ST6GALNAC3: variants seen among roughly 807,000 people sequenced by gnomAD.
The protein encoded by ST6GALNAC3 is ST6 N-acetylgalactosaminide alpha-2,6-sialyltransferase 3, also known as alpha-N-acetylgalactosaminide alpha-2,6-sialyltransferase 3.
Under a neutral mutation model 32.7 loss-of-function variants are expected in ST6GALNAC3, and 25 were observed. The observed-to-expected ratio is 0.76, with a 90% CI of 0.56 to 1.07. The LOEUF is 1.07. ST6GALNAC3 is among the 50% of genes least tolerant of loss of function. The probability of loss-of-function intolerance (pLI) is 0.00; values close to 1 mark genes in which losing one functional copy is unlikely to be tolerated. For synonymous variants in ST6GALNAC3, 129 were observed against 133.1 expected (o/e 0.97, Z 0.21); for missense variants, 355 against 382.4 (o/e 0.93, Z 0.60).
chr1:76,299,468 A>G (rs1443347750), intron 1 of ST6GALNAC3, among the ~76,000 whole-genome samples: 1 of 152,042 alleles, frequency 6.6e-6, no homozygotes, highest in Admixed American at 6.6e-5. Context: ...GGGGATGTAC[A>G]TGTGTGGTTT....
chr1:76,115,237 G>A (rs182189161), intron 1 of ST6GALNAC3, among the ~76,000 whole-genome samples: 3 of 152,208 alleles, frequency 2.0e-5, no homozygotes, highest in African/African-American at 7.2e-5. Flanking sequence ...TCTGGCTCTC[G>A]GAGCTTAGGC....
chr1:76,487,803 CT>C (rs1660225146), intron 3 of ST6GALNAC3, among the ~76,000 whole-genome samples: 1 of 152,198 alleles, frequency 6.6e-6, no homozygotes, highest in Non-Finnish European at 1.5e-5. Context: ...GAGAGGCACT[CT>C]GATTTTCAGA....
chr1:76,464,288 G>A (rs1389838597), intron 3 of ST6GALNAC3, among the ~76,000 whole-genome samples: 1 of 152,120 alleles, frequency 6.6e-6, no homozygotes, highest in Non-Finnish European at 1.5e-5. Context: ...TAATCAATAT[G>A]GAAAGTTATT....
intron 2 of ST6GALNAC3, among the ~76,000 whole-genome samples, chr1:76,333,676 CT>C (rs1174112082): frequency 6.6e-6 from 1 of 152,096 alleles, no homozygotes; most frequent in Admixed American, 6.6e-5. Context: ...TCCATATTTC[CT>C]TTCACTTCTT....
chr1:76,365,763 A>G (rs543048738), intron 2 of ST6GALNAC3, among the ~76,000 whole-genome samples: 7 of 152,344 alleles, frequency 4.6e-5, no homozygotes, highest in Non-Finnish European at 8.8e-5. Context: ...CAACATTCTG[A>G]AAATTGATAA....
chr1:76,591,623 C>T (rs1036512401), intron 3 of ST6GALNAC3, among the ~76,000 whole-genome samples: 6 of 152,152 alleles, frequency 3.9e-5, no homozygotes, highest in African/African-American at 1.4e-4. Context: ...CTGTCTAGGA[C>T]TTTAACCCTC....
intron 1 of ST6GALNAC3, among the ~76,000 whole-genome samples, chr1:76,187,703 T>C (rs1020755068): frequency 6.6e-6 from 1 of 152,044 alleles, no homozygotes; most frequent in Non-Finnish European, 1.5e-5. Context: ...TCGAAGACTC[T>C]CTTCTCACTC....
chr1:76,454,871 A>G (rs1319386165), intron 3 of ST6GALNAC3, among the ~76,000 whole-genome samples: 1 of 151,804 alleles, frequency 6.6e-6, no homozygotes, highest in Non-Finnish European at 1.5e-5. Flanking sequence ...TCTCTAATTC[A>G]TTTTTAAGTT....
At chr1:76,354,175 T>G (rs1424396815) in intron 2 of ST6GALNAC3, 1 of 152,640 alleles carries the variant, frequency 6.6e-6, no homozygotes, top group Non-Finnish European at 1.5e-5. Flanking sequence ...CTGCTATGAT[T>G]CTATCATAGC....
intron 3 of ST6GALNAC3, among the ~76,000 whole-genome samples, chr1:76,556,369 T>G (rs1664924914): frequency 6.6e-6 from 1 of 151,900 alleles, no homozygotes; most frequent in South Asian, 2.1e-4. Flanking sequence ...TGAAAATAAG[T>G]TTTTTTCTTT....
intron 1 of ST6GALNAC3, among the ~76,000 whole-genome samples, chr1:76,084,566 C>G (rs1471348117): frequency 6.6e-6 from 1 of 152,162 alleles, no homozygotes; most frequent in East Asian, 1.9e-4. Context: ...CAGAACAAAC[C>G]ACATGTCTTC....
chr1:76,212,670 T>C (rs917825152), intron 1 of ST6GALNAC3, among the ~76,000 whole-genome samples: 1 of 152,186 alleles, frequency 6.6e-6, no homozygotes, highest in South Asian at 2.1e-4. Flanking sequence ...AATTTTTTTT[T>C]CCCCGCTAGA....
At chr1:76,175,298 T>C (rs1447289816) in intron 1 of ST6GALNAC3, among the ~76,000 whole-genome samples, 1 of 152,210 alleles carries the variant, frequency 6.6e-6, no homozygotes, top group African/African-American at 2.4e-5. Flanking sequence ...TACTTGTTTT[T>C]TCCTACCCTC....
chr1:76,441,424 A>G lies in ST6GALNAC3; in HGVS notation c.623+29007A>G, dbSNP rs1171502634. Among the ~76,000 whole-genome samples the G allele has an allele frequency of 3.3e-5, 5 of 152,200 alleles. No individual in the cohort carries two copies. In the South Asian group the frequency reaches 6.2e-4, roughly 19 times the overall value. On this transcript the variant is annotated intron_variant, in intron 3 of 4. Transcript: ENST00000328299. The stretch of plus-strand genomic sequence containing the variant: ...GCTTAAGCTAGCAGAGGAAGGAACT[A>G]TAGGAAAAAAATGTGGTCAAGGCAG...
chr1:76,461,032 A>G (rs762016995), intron 3 of ST6GALNAC3, among the ~76,000 whole-genome samples: 2 of 152,214 alleles, frequency 1.3e-5, no homozygotes, highest in Non-Finnish European at 2.9e-5. Flanking sequence ...TTTCATTTGA[A>G]TGGCCTATTT....
intron 1 of ST6GALNAC3, among the ~76,000 whole-genome samples, chr1:76,094,562 G>A (rs1173465137): frequency 1.3e-5 from 2 of 152,160 alleles, no homozygotes; most frequent in Non-Finnish European, 2.9e-5. Flanking sequence ...TTTCAGAGCC[G>A]GGATTGTGAA....
At chr1:76,471,520 C>T (rs1215729975) in intron 3 of ST6GALNAC3, among the ~76,000 whole-genome samples, 1 of 152,106 alleles carries the variant, frequency 6.6e-6, no homozygotes, top group Non-Finnish European at 1.5e-5. Flanking sequence ...CCATAGTGGG[C>T]AAACAACATA....
chr1:76,216,445 A>G (rs879862536), intron 1 of ST6GALNAC3, among the ~76,000 whole-genome samples: 1 of 152,256 alleles, frequency 6.6e-6, no homozygotes, highest in Non-Finnish European at 1.5e-5. Context: ...GTTGTTGAAT[A>G]GATCTCTGGG....
intron 3 of ST6GALNAC3, among the ~76,000 whole-genome samples, chr1:76,423,023 T>C (rs552443381): frequency 2.2e-4 from 33 of 152,092 alleles, no homozygotes; most frequent in African/African-American, 7.7e-4. Flanking sequence ...CACTCTGTTC[T>C]CTGACTTTTG....
Sources: allele counts gnomAD v4.1 joint callset (sites outside exome capture counted in the v4.1 genomes callset), GRCh38; gene constraint gnomAD v4.1.1; transcripts MANE v1.5; gene names NCBI Gene and HGNC (gene_info 2026-07-23, HGNC 2026-07-21).